Variants in MAU2 observed in about 807,000 individuals in gnomAD.
The protein encoded by MAU2 is MAU2 chromatid cohesion factor homolog.
A neutral mutation model predicts 89.1 loss-of-function variants in MAU2; 9 were observed. The ratio of observed to expected loss-of-function variants is 0.10; its 90% CI spans 0.06 to 0.18. MAU2 has a LOEUF of 0.18. MAU2 is among the 10% of genes least tolerant of loss of function. The pLI, the probability that MAU2 is intolerant of heterozygous loss-of-function variation, is 1.00. For synonymous variants in MAU2, 357 were observed against 343.4 expected, an observed-to-expected ratio of 1.04 and a Z score of -0.44; for missense variants, 425 against 803.5, an observed-to-expected ratio of 0.53 and a Z score of 5.69.
chr19:19,350,694 A>T (rs2061736301), intron 16 of MAU2, among the ~76,000 whole-genome samples: 1 of 151,744 alleles, frequency 6.6e-6, no homozygotes, highest in Non-Finnish European at 1.5e-5. Context: ...AGGTCAGGAG[A>T]TCGAGACCAT....
At chr19:19,329,699 C>T (rs1480418507) in intron 1 of MAU2, among the ~76,000 whole-genome samples, 1 of 151,930 alleles carries the variant, frequency 6.6e-6, no homozygotes, top group Admixed American at 6.6e-5. Flanking sequence ...TTGAGCCAGG[C>T]ATGGTGGCTC....
chr19:19,347,005 G>A, intron 12 of MAU2: 1 of 416,560 alleles, frequency 2.4e-6, no homozygotes, highest in Non-Finnish European at 4.4e-6. Context: ...GTGGAAAATG[G>A]ACCAAAACCC....
chr19:19,347,501 GAC>G (rs1475941716), intron 13 of MAU2, 135 bp downstream of exon 13: 13 of 667,046 alleles, frequency 1.9e-5, no homozygotes, highest in Non-Finnish European at 3.2e-5. Context: ...GGCGGCACCC[GAC>G]ACAGACACAC....
In MAU2 at chr19:19,358,595, G is replaced by C. The variant is rs549853230; in HGVS notation, c.*2813G>C. On this transcript the variant is annotated 3_prime_UTR_variant, in exon 19 of 19. Coordinates refer to ENST00000262815, the MANE Select transcript of MAU2 (RefSeq NM_015329.4). ...TAATGGGTTTGTAATATTTGTAACG[G>C]TTTTAGCAGCCTATAACTTTTCAGC... The C allele has an allele frequency of 1.3e-5, 2 of 152,330 alleles. No homozygotes were observed. Among genetic ancestry groups the C allele is most frequent in the African/African-American group, 4.8e-5 (2 of 41,584 alleles). 9.4% of individuals were successfully genotyped at this position (152,330 alleles called of 1,614,324 possible).
chr19:19,321,743 C>G (rs1271421989), intron 1 of MAU2: 1 of 152,148 alleles, frequency 6.6e-6, no homozygotes, highest in East Asian at 2.0e-4. Flanking sequence ...GACCCGGAGT[C>G]TGGAGTTGGT....
intron 1 of MAU2, among the ~76,000 whole-genome samples, chr19:19,324,727 A>G (rs994859790): frequency 6.6e-6 from 1 of 152,222 alleles, no homozygotes; most frequent in African/African-American, 2.4e-5. Context: ...ACTGAGCCAC[A>G]TGGTGCCCTC....
At chr19:19,341,873 T>C (rs760608201) in intron 7 of MAU2, among the ~76,000 whole-genome samples, 1 of 152,080 alleles carries the variant, frequency 6.6e-6, no homozygotes, top group East Asian at 1.9e-4. Context: ...GTGTTTGAGC[T>C]CCTTGTCTCT....
intron 4 of MAU2, among the ~76,000 whole-genome samples, 198 bp from the exon 5 acceptor site, chr19:19,338,647 A>G (rs554954759): frequency 6.6e-6 from 1 of 152,366 alleles, no homozygotes; most frequent in African/African-American, 2.4e-5. Context: ...GATGACATAT[A>G]TACTACAGGC....
chr19:19,331,518 C>T (rs559087793), intron 1 of MAU2, among the ~76,000 whole-genome samples: 4 of 150,572 alleles, frequency 2.7e-5, no homozygotes, highest in South Asian at 4.2e-4. Context: ...AAAAAAATCA[C>T]GTAGATGAGG....
chr19:19,347,014 C>G (rs1388775486), intron 12 of MAU2: 4 of 436,278 alleles, frequency 9.2e-6, no homozygotes, highest in Non-Finnish European at 1.7e-5. Flanking sequence ...GGACCAAAAC[C>G]CGACATGTTC....
In MAU2 at chr19:19,355,908, A is replaced by C. The variant is rs769850089; in HGVS notation, c.*126A>C. On this transcript the variant is annotated 3_prime_UTR_variant, in exon 19 of 19. Coordinates refer to ENST00000262815, the MANE Select transcript of MAU2 (RefSeq NM_015329.4). Reference sequence around the variant, plus strand: ...GTCTCTAGAGCTTCCAAGTCCTGGGAATGTGCGGGGCCAGTCCCTGCCCTC... The same window carrying C: ...GTCTCTAGAGCTTCCAAGTCCTGGGCATGTGCGGGGCCAGTCCCTGCCCTC... 5 of 945,320 alleles carry C rather than the reference A, an allele frequency of 5.3e-6. No homozygotes were observed. In the African/African-American group the frequency reaches 6.5e-5, roughly 12 times the overall value. The allele number at this position is 945,320 out of a possible 1,614,324, so 58.6% of individuals were successfully genotyped here.
intron 1 of MAU2, among the ~76,000 whole-genome samples, chr19:19,329,262 T>C (rs1194303217): frequency 6.6e-6 from 1 of 152,108 alleles, no homozygotes; most frequent in Non-Finnish European, 1.5e-5. Context: ...CGTTACGCAG[T>C]TTCATGAAGT....
intron 1 of MAU2, 89 bp downstream of exon 1, chr19:19,321,224 G>A: frequency 2.9e-6 from 4 of 1,361,862 alleles, no homozygotes; most frequent in East Asian, 2.9e-5. Flanking sequence ...GTGGGGGGCC[G>A]CTCCTCGGCG....
intron 3 of MAU2, among the ~76,000 whole-genome samples, chr19:19,336,692 A>G (rs1485145587): frequency 1.3e-5 from 2 of 152,186 alleles, no homozygotes; most frequent in Middle Eastern, 3.2e-3. Flanking sequence ...AGACTGTTGG[A>G]AAGATCAGCC....
At chr19:19,332,466 G>A (rs924210532) in intron 1 of MAU2, among the ~76,000 whole-genome samples, 11 of 151,900 alleles carry the variant, frequency 7.2e-5, no homozygotes, top group African/African-American at 2.2e-4. Flanking sequence ...CATGGGAAAC[G>A]GATGTTAAAA....
chr19:19,338,952 T>C lies in MAU2; in HGVS notation c.551+13T>C, dbSNP rs776697509. 11 of 1,600,224 alleles carry C rather than the reference T, an allele frequency of 6.9e-6. No individual in the cohort carries two copies. Among genetic ancestry groups the C allele is most frequent in the Non-Finnish European group, 8.5e-6 (10 of 1,171,912 alleles). ...CTGAATACACACGGTAGGCACCCAC[T>C]CCCCTCCTTCCCTCCTGCTCTGTTA... is the stretch of plus-strand genomic sequence containing the variant. On this transcript the variant is annotated intron_variant, in intron 5 of 18. Coordinates refer to ENST00000262815, the MANE Select transcript of MAU2 (RefSeq NM_015329.4).
At chr19:19,333,693 T>C (rs1177816499) in intron 1 of MAU2, among the ~76,000 whole-genome samples, 1 of 152,184 alleles carries the variant, frequency 6.6e-6, no homozygotes, top group East Asian at 1.9e-4. Context: ...GGCCACAGAC[T>C]GGAAAGGAAA....
rs1317032108 is a variant in MAU2, at chr19:19,320,891, C to T, written c.32C>T (p.Ala11Val). ...GCTCAGGCGGCGGCAGCGGCCCAGG[C>T]GGCGGCGGCCCAGGCTGCGCAGGCC... Reference protein sequence around the residue: MAAQAAAAAQAAAAQAAQAEA... With the variant: MAAQAAAAAQVAAAQAAQAEA... The change falls in exon 1 of 19, where the codon GCG (alanine) becomes GTG (valine). Residue 11 changes from alanine (A) to valine (V), a missense_variant. By Grantham distance (64) the Ala-to-Val change is moderately conservative. Transcript: ENST00000262815. 1.3e-6 allele frequency: 2 copies of T among 1,492,262 alleles called. No homozygotes were observed. The highest frequency in any genetic ancestry group is 1.8e-6 in the Non-Finnish European group (2 of 1,108,240). 92.4% of individuals were successfully genotyped at this position (1,492,262 alleles called of 1,614,324 possible).
rs762717260 is a variant in MAU2 at position 19,321,086 on chromosome 19, A to G, written c.227A>G (p.Tyr76Cys). ...CACCTGCAGCTGGGCTCCGTTCTCT[A>G]TCACCACACCAAGAACAGCGAGCAG... The part of the protein sequence containing the change: ...RTHLQLGSVL[Y>C]HHTKNSEQAR... Residue 76 changes from tyrosine to cysteine, a missense_variant, in exon 1 of 19, where the codon TAT becomes TGT. Transcript: ENST00000262815. The G allele has an allele frequency of 3.1e-6, 5 of 1,610,428 alleles. No individual in the cohort carries two copies. Among genetic ancestry groups the G allele is most frequent in the African/African-American group, 1.3e-5 (1 of 74,394 alleles).
Sources: allele counts gnomAD v4.1 joint callset (sites outside exome capture counted in the v4.1 genomes callset), GRCh38; gene constraint gnomAD v4.1.1; transcripts MANE v1.5; gene names NCBI Gene and HGNC (gene_info 2026-07-23, HGNC 2026-07-21).